The following FAM107B variants were observed in gnomAD, a reference collection of about 807,000 sequenced individuals.
FAM107B encodes the protein family with sequence similarity 107 member B, also known as protein FAM107B.
FAM107B carries 21 observed loss-of-function variants against 31.5 expected under a neutral mutation model. The ratio of observed to expected loss-of-function variants is 0.67; its 90% CI spans 0.47 to 0.96. The LOEUF is 0.96. Ranked by LOEUF, FAM107B falls within the 40% of genes least tolerant of loss-of-function variation. The probability of loss-of-function intolerance (pLI) is 0.00; values close to 1 mark genes in which losing one functional copy is unlikely to be tolerated. For missense variants in FAM107B, 452 were observed against 377.1 expected, an observed-to-expected ratio of 1.20 and a Z score of -1.64; for synonymous variants, 157 against 141.5, an observed-to-expected ratio of 1.11 and a Z score of -0.78.
intron 1 of FAM107B, among the ~76,000 whole-genome samples, chr10:14,758,454 T>A (rs1832973457): frequency 6.6e-6 from 1 of 152,172 alleles, no homozygotes; most frequent in African/African-American, 2.4e-5. Flanking sequence ...AGGGAGGTTT[T>A]TAAAAATACG....
At chr10:14,749,469 T>C (rs1352734086) in intron 1 of FAM107B, among the ~76,000 whole-genome samples, 1 of 152,238 alleles carries the variant, frequency 6.6e-6, no homozygotes, top group Non-Finnish European at 1.5e-5. Context: ...ATATCAAAGC[T>C]AGAATGTGAG....
chr10:14,684,553 T>G (rs372055640), intron 1 of FAM107B, among the ~76,000 whole-genome samples: 1 of 152,154 alleles, frequency 6.6e-6, no homozygotes, highest in Non-Finnish European at 1.5e-5. Context: ...ACCCTCCTAA[T>G]AGCCTAATAT....
chr10:14,685,805 AC>A (rs1459041512), intron 1 of FAM107B, among the ~76,000 whole-genome samples: 3 of 152,146 alleles, frequency 2.0e-5, no homozygotes, highest in African/African-American at 7.2e-5. Flanking sequence ...ATAAAGACAT[AC>A]CCAAGACTGA....
intron 1 of FAM107B, among the ~76,000 whole-genome samples, chr10:14,692,713 T>C (rs1053728552): frequency 2.6e-5 from 4 of 152,188 alleles, no homozygotes; most frequent in Non-Finnish European, 5.9e-5. Flanking sequence ...CTGTATGCAA[T>C]TGATCAACAA....
intron 1 of FAM107B, among the ~76,000 whole-genome samples, chr10:14,723,014 A>G (rs1257908736): frequency 6.6e-6 from 1 of 152,174 alleles, no homozygotes; most frequent in Non-Finnish European, 1.5e-5. Flanking sequence ...TAGGGGTCCA[A>G]TGGCCGTCTT....
intron 2 of FAM107B, among the ~76,000 whole-genome samples, chr10:14,550,021 G>A (rs1225579380): frequency 1.3e-5 from 2 of 152,182 alleles, no homozygotes; most frequent in Non-Finnish European, 2.9e-5. Flanking sequence ...AAAGGAGGCT[G>A]TTTTAGAAAA....
At chr10:14,655,997 G>C (rs761643024) in intron 2 of FAM107B, among the ~76,000 whole-genome samples, 4 of 152,122 alleles carry the variant, frequency 2.6e-5, no homozygotes, top group Admixed American at 6.6e-5. Flanking sequence ...AGGGGAGAGG[G>C]GCTGGGTGCT....
chr10:14,552,604 A>G (rs577062258), intron 2 of FAM107B, among the ~76,000 whole-genome samples: 2 of 152,336 alleles, frequency 1.3e-5, no homozygotes, highest in South Asian at 4.1e-4. Context: ...TGGGAGGCCA[A>G]GGTGGGTGGA....
intron 1 of FAM107B, among the ~76,000 whole-genome samples, chr10:14,769,129 T>C (rs540822568): frequency 9.2e-5 from 14 of 152,320 alleles, no homozygotes; most frequent in African/African-American, 3.4e-4. Context: ...CCCTGCTGTA[T>C]CCAGCAACAC....
intron 2 of FAM107B, among the ~76,000 whole-genome samples, chr10:14,594,425 G>A (rs939583296): frequency 5.5e-5 from 8 of 145,622 alleles, no homozygotes; most frequent in Non-Finnish European, 1.0e-4. Context: ...GATCCCTTGA[G>A]CCCAGGAGTT....
chr10:14,660,752 A>G (rs775667149), intron 2 of FAM107B, among the ~76,000 whole-genome samples: 12 of 152,248 alleles, frequency 7.9e-5, no homozygotes, highest in Non-Finnish European at 1.8e-4. Context: ...AAGAGAGTAA[A>G]TGAAGCCTCA....
chr10:14,647,789 A>T (rs768870847), intron 2 of FAM107B, among the ~76,000 whole-genome samples: 2 of 152,120 alleles, frequency 1.3e-5, no homozygotes, highest in Non-Finnish European at 2.9e-5. Context: ...CTCATCTCAG[A>T]GTTATATGCC....
intron 1 of FAM107B, among the ~76,000 whole-genome samples, chr10:14,706,723 T>C (rs1366051280): frequency 6.6e-6 from 1 of 152,234 alleles, no homozygotes; most frequent in Admixed American, 6.5e-5. Context: ...CTTTAGTCCA[T>C]GCTGGAGACT....
intron 2 of FAM107B, among the ~76,000 whole-genome samples, chr10:14,656,481 G>A (rs1854058344): frequency 6.6e-6 from 1 of 152,216 alleles, no homozygotes; most frequent in Non-Finnish European, 1.5e-5. Flanking sequence ...TCATCAGAAT[G>A]GAAGGAGAGG....
chr10:14,686,479 G>T (rs188999762), intron 1 of FAM107B, among the ~76,000 whole-genome samples: 1 of 152,124 alleles, frequency 6.6e-6, no homozygotes, highest in African/African-American at 2.4e-5. Context: ...GGCATTCTAA[G>T]CTTCTAAGCC....
chr10:14,588,093 G>A (rs1247486731), intron 2 of FAM107B, among the ~76,000 whole-genome samples: 1 of 152,144 alleles, frequency 6.6e-6, no homozygotes, highest in African/African-American at 2.4e-5. Flanking sequence ...TAGAGAGAGT[G>A]CCTAATGTCT....
intron 2 of FAM107B, among the ~76,000 whole-genome samples, chr10:14,543,736 A>T (rs1379184397): frequency 2.4e-4 from 36 of 151,118 alleles, no homozygotes; most frequent in Admixed American, 2.4e-3. Context: ...GGTGAAGCTT[A>T]ACTGAAATAA....
intron 2 of FAM107B, among the ~76,000 whole-genome samples, chr10:14,590,096 G>A (rs1851967039): frequency 6.6e-6 from 1 of 152,160 alleles, no homozygotes; most frequent in Non-Finnish European, 1.5e-5. Context: ...TTAGCTGTGT[G>A]GTCTTGGGCA....
chr10:14,605,968 T>C (rs905439672), intron 2 of FAM107B, among the ~76,000 whole-genome samples: 5 of 152,216 alleles, frequency 3.3e-5, no homozygotes, highest in African/African-American at 9.6e-5. Flanking sequence ...GTTTCCTAAC[T>C]GGCCCCAGCC....
Sources: allele counts gnomAD v4.1 joint callset (sites outside exome capture counted in the v4.1 genomes callset), GRCh38; gene constraint gnomAD v4.1.1; transcripts MANE v1.5; gene names NCBI Gene and HGNC (gene_info 2026-07-23, HGNC 2026-07-21).